Variants in SWT1 observed in about 807,000 individuals in gnomAD.
SWT1 encodes transcriptional protein SWT1.
SWT1 carries 33 observed loss-of-function variants against 107.3 expected under a neutral mutation model. The ratio of observed to expected loss-of-function variants is 0.31; its 90% CI spans 0.23 to 0.41. The LOEUF is 0.41. Among genes scored for constraint, SWT1 ranks in the 10% least tolerant of loss-of-function variants. The pLI is 1.00. For synonymous variants in SWT1, 345 were observed against 348.3 expected, an observed-to-expected ratio of 0.99 and a Z score of 0.11; for missense variants, 898 against 1,028.9, an observed-to-expected ratio of 0.87 and a Z score of 1.74.
intron 18 of SWT1, among the ~76,000 whole-genome samples, chr1:185,284,119 T>C (rs2102779994): frequency 1.3e-5 from 2 of 152,296 alleles, no homozygotes; most frequent in East Asian, 3.9e-4. Flanking sequence ...TATTTTCCCT[T>C]TTTTGGTTTT....
At chr1:185,227,366 A>G (rs1005263517) in intron 15 of SWT1, 11 of 720,260 alleles carry the variant, frequency 1.5e-5, no homozygotes, top group African/African-American at 1.4e-4. Context: ...TGCCAAACCT[A>G]TTGAGAAGCC....
chr1:185,259,825 A>G (rs1286121310), intron 16 of SWT1, among the ~76,000 whole-genome samples: 2 of 152,172 alleles, frequency 1.3e-5, no homozygotes, highest in African/African-American at 4.8e-5. Context: ...TTATCTAAAA[A>G]TACTGAAACA....
At chr1:185,257,067 G>A (rs979451235) in intron 16 of SWT1, among the ~76,000 whole-genome samples, 1 of 152,072 alleles carries the variant, frequency 6.6e-6, no homozygotes, top group Admixed American at 6.6e-5. Context: ...GCCCCTGCTG[G>A]GGGGTGCCTC....
At chr1:185,190,993 G>A (rs1170241618) in intron 10 of SWT1, among the ~76,000 whole-genome samples, 1 of 152,184 alleles carries the variant, frequency 6.6e-6, no homozygotes, top group African/African-American at 2.4e-5. Context: ...AGATAAGGTA[G>A]TTTATGTTGG....
At chr1:185,178,732 G>T (rs1023387089) in intron 5 of SWT1, among the ~76,000 whole-genome samples, 1 of 152,074 alleles carries the variant, frequency 6.6e-6, no homozygotes, top group Non-Finnish European at 1.5e-5. Context: ...TCTCTGGCTT[G>T]TTTGGCACTT....
intron 11 of SWT1, 23 bp from the exon 12 acceptor site, chr1:185,204,676 AG>A (rs1164143217): frequency 7.0e-7 from 1 of 1,437,770 alleles, no homozygotes; most frequent in Non-Finnish European, 9.4e-7. Flanking sequence ...TTCTAAATAA[AG>A]TCTGTAACTA....
chr1:185,278,228 A>G (rs1664380100), intron 18 of SWT1, among the ~76,000 whole-genome samples: 1 of 152,242 alleles, frequency 6.6e-6, no homozygotes, highest in Non-Finnish European at 1.5e-5. Context: ...TCTAATCCCC[A>G]ATATGATAGT....
At chr1:185,210,761 C>G (rs1409260205) in intron 13 of SWT1, among the ~76,000 whole-genome samples, 1 of 152,156 alleles carries the variant, frequency 6.6e-6, no homozygotes, top group Non-Finnish European at 1.5e-5. Context: ...CAAATTGTCT[C>G]TGTTGCAGAT....
chr1:185,209,690 T>G (rs1278634723), intron 13 of SWT1, among the ~76,000 whole-genome samples: 1 of 152,228 alleles, frequency 6.6e-6, no homozygotes, highest in Non-Finnish European at 1.5e-5. Flanking sequence ...AACATACATG[T>G]GCATATGTCT....
rs184816304 is a variant in SWT1, at chr1:185,258,604, T to G, written c.2442-12719T>G. Among the ~76,000 whole-genome samples the G allele has an allele frequency of 1.9e-3, 292 of 152,286 alleles. 1 individual carries two copies. Among genetic ancestry groups the G allele is most frequent in the Admixed American group, 4.1e-3 (62 of 15,304 alleles). On this transcript the variant is annotated intron_variant, in intron 16 of 18. Transcript: ENST00000367500. ...TGCTGGCTATGGATTCTAGATTGAC[T>G]ATTATTTTCCCTAAGTAGTTTGAAA...
intron 4 of SWT1, among the ~76,000 whole-genome samples, chr1:185,172,469 AG>A (rs1252059546): frequency 3.9e-5 from 6 of 152,200 alleles, no homozygotes; most frequent in Non-Finnish European, 7.4e-5. Context: ...CCAAAATTTT[AG>A]CAGTTACTTT....
chr1:185,263,488 A>C (rs970981932), intron 16 of SWT1: 1 of 152,336 alleles, frequency 6.6e-6, no homozygotes, highest in African/African-American at 2.4e-5. Context: ...TTGCTTGGCT[A>C]GTATATCACA....
At chr1:185,180,316 TTAA>T (rs1162268478) in intron 5 of SWT1, 72 bp from the exon 6 acceptor site, 4 of 1,188,742 alleles carry the variant, frequency 3.4e-6, no homozygotes, top group Non-Finnish European at 5.0e-6. Flanking sequence ...ACCCTGAAGG[TTAA>T]TAGTGACAAG....
intron 10 of SWT1, 133 bp downstream of exon 10, chr1:185,190,775 C>T (rs1319836546): frequency 1.8e-5 from 10 of 554,074 alleles, no homozygotes; most frequent in Non-Finnish European, 2.9e-5. Flanking sequence ...AGCATACCCA[C>T]TTGTATCTGA....
At chr1:185,168,272 T>C in intron 3 of SWT1, 68 bp from the exon 4 acceptor site, 1 of 933,074 alleles carries the variant, frequency 1.1e-6, no homozygotes, top group Non-Finnish European at 1.5e-6. Flanking sequence ...GCCTATTCAC[T>C]ATCATAAACT....
chr1:185,275,050 A>G (rs1243724631), intron 17 of SWT1, among the ~76,000 whole-genome samples: 1 of 152,240 alleles, frequency 6.6e-6, no homozygotes, highest in Admixed American at 6.5e-5. Context: ...TGCTTTTACA[A>G]CTAGAGATAA....
intron 5 of SWT1, among the ~76,000 whole-genome samples, chr1:185,179,961 G>T (rs1210488860): frequency 2.0e-5 from 3 of 152,196 alleles, no homozygotes; most frequent in African/African-American, 7.2e-5. Flanking sequence ...TGAGGCAGGT[G>T]GATCACTTGA....
At chr1:185,271,607 T>C (rs2102734364) in intron 17 of SWT1, among the ~76,000 whole-genome samples, 2 of 152,332 alleles carry the variant, frequency 1.3e-5, no homozygotes. Context: ...TTTTGATATG[T>C]TATACATAGT....
intron 1 of SWT1, 113 bp downstream of exon 1, chr1:185,157,427 G>C (rs1653690477): frequency 6.6e-6 from 1 of 152,270 alleles, no homozygotes; most frequent in Non-Finnish European, 1.5e-5. Flanking sequence ...GGAGTCACAC[G>C]GACCTGGGCG....
Sources: allele counts gnomAD v4.1 joint callset (sites outside exome capture counted in the v4.1 genomes callset), GRCh38; gene constraint gnomAD v4.1.1; transcripts MANE v1.5; gene names NCBI Gene and HGNC (gene_info 2026-07-23, HGNC 2026-07-21).